Variants in CFAP299 observed in about 807,000 individuals in gnomAD.
The protein encoded by CFAP299 is cilia and flagella associated protein 299, also known as cilia- and flagella-associated protein 299.
In CFAP299, 21 loss-of-function variants were observed where a neutral mutation model predicts 27.0. The observed-to-expected ratio is 0.78, with a 90% CI of 0.55 to 1.12. CFAP299 has a LOEUF of 1.12. Ranked by LOEUF, CFAP299 falls within the 50% of genes most tolerant of loss-of-function variation. CFAP299 has a pLI of 0.00. For synonymous variants in CFAP299, 104 were observed against 98.1 expected (o/e 1.06, Z -0.36); for missense variants, 310 against 276.6 (o/e 1.12, Z -0.86).
intron 2 of CFAP299, among the ~76,000 whole-genome samples, chr4:80,541,080 A>G (rs1203430885): frequency 6.6e-6 from 1 of 152,174 alleles, no homozygotes; most frequent in Admixed American, 6.5e-5. Context: ...GACATTTAGT[A>G]ATATATTTTT....
chr4:80,688,807 A>G (rs984024784), intron 3 of CFAP299, among the ~76,000 whole-genome samples: 4 of 152,022 alleles, frequency 2.6e-5, no homozygotes, highest in Admixed American at 2.0e-4. Context: ...AAAATTTAGA[A>G]GAATGTATAA....
At chr4:80,386,250 CG>C in intron 2 of CFAP299, 2 of 1,148,608 alleles carry the variant, frequency 1.7e-6, no homozygotes, top group Admixed American at 2.0e-5. Flanking sequence ...CCTGCAGCCC[CG>C]CCAGAGCCAG....
intron 2 of CFAP299, among the ~76,000 whole-genome samples, chr4:80,531,691 G>T (rs2110187903): frequency 6.6e-6 from 1 of 150,976 alleles, no homozygotes; most frequent in East Asian, 1.9e-4. Flanking sequence ...AATTTTCCCA[G>T]CCTCCCTTGC....
chr4:80,343,591 C>T (rs1722572683), intron 1 of CFAP299, among the ~76,000 whole-genome samples: 1 of 152,002 alleles, frequency 6.6e-6, no homozygotes, highest in African/African-American at 2.4e-5. Context: ...AGATCGAGAC[C>T]ATCCTGGCTA....
chr4:80,323,629 A>G, the CFAP299 span, among the ~76,000 whole-genome samples: 1 of 152,212 alleles, frequency 6.6e-6, no homozygotes, highest in South Asian at 2.1e-4. Context: ...ATGGAGAAAC[A>G]AATTAGTTAT....
intron 3 of CFAP299, among the ~76,000 whole-genome samples, chr4:80,865,150 C>A (rs1218384724): frequency 6.6e-6 from 1 of 152,128 alleles, no homozygotes; most frequent in Admixed American, 6.6e-5. Context: ...ATAATGCTAT[C>A]TAGCCATAAT....
At chr4:80,878,134 A>G (rs957360396) in intron 4 of CFAP299, among the ~76,000 whole-genome samples, 1 of 152,154 alleles carries the variant, frequency 6.6e-6, no homozygotes, top group Non-Finnish European at 1.5e-5. Context: ...TCATCATTCA[A>G]TGTATAAAAA....
intron 3 of CFAP299, among the ~76,000 whole-genome samples, chr4:80,738,573 T>G (rs966736294): frequency 6.6e-6 from 1 of 152,060 alleles, no homozygotes; most frequent in Non-Finnish European, 1.5e-5. Flanking sequence ...TGGTTTCCTC[T>G]GACATGGAAT....
At chr4:80,872,631 A>G (rs1290427364) in intron 4 of CFAP299, 1 of 152,218 alleles carries the variant, frequency 6.6e-6, no homozygotes, top group African/African-American at 2.4e-5. Flanking sequence ...ATCCTCACCA[A>G]CACAAGATAT....
intron 1 of CFAP299, among the ~76,000 whole-genome samples, chr4:80,336,300 G>A (rs967890251): frequency 6.6e-6 from 1 of 152,228 alleles, no homozygotes; most frequent in African/African-American, 2.4e-5. Context: ...AAGAACAGAA[G>A]ATGGCATCTT....
intron 4 of CFAP299, among the ~76,000 whole-genome samples, chr4:80,927,854 A>T (rs913108979): frequency 6.6e-6 from 1 of 152,178 alleles, no homozygotes; most frequent in Non-Finnish European, 1.5e-5. Context: ...AATCACTAGT[A>T]AACTGACAAA....
At chr4:80,877,154 G>T (rs780050830) in intron 4 of CFAP299, among the ~76,000 whole-genome samples, 5 of 152,030 alleles carry the variant, frequency 3.3e-5, no homozygotes, top group Non-Finnish European at 7.4e-5. Context: ...TTATGTCCCA[G>T]GATACTTTTA....
rs1239940260 is a variant in CFAP299, at chr4:80,629,615, C to G, written c.333+46432C>G. Among the ~76,000 whole-genome samples, 7 of 152,186 alleles carry G rather than the reference C, an allele frequency of 4.6e-5. No homozygotes were observed. In the East Asian group the frequency reaches 1.3e-3, roughly 29 times the overall value. On this transcript the variant is annotated intron_variant, in intron 3 of 5. Transcript: ENST00000358105. The stretch of plus-strand genomic sequence containing the variant: ...AAAAAATTGGCCAAGTGCAGTGGCT[C>G]ACACCTGTAACCCCAACACTTTGGG...
intron 3 of CFAP299, among the ~76,000 whole-genome samples, chr4:80,815,090 C>G (rs564355111): frequency 1.3e-5 from 2 of 151,812 alleles, no homozygotes; most frequent in Non-Finnish European, 2.9e-5. Flanking sequence ...ACTCAACAAA[C>G]AGAGCTGGAA....
chr4:80,583,924 AAGG>A (rs772426105), intron 3 of CFAP299, among the ~76,000 whole-genome samples: 10 of 152,096 alleles, frequency 6.6e-5, no homozygotes, highest in Middle Eastern at 3.4e-3. Context: ...ATATGTATAT[AAGG>A]AGATCTATTC....
chr4:80,664,266 C>T (rs967148563), intron 3 of CFAP299, among the ~76,000 whole-genome samples: 2 of 152,114 alleles, frequency 1.3e-5, no homozygotes, highest in Admixed American at 1.3e-4. Context: ...AGCTCGAGCA[C>T]TATGCTGGGA....
chr4:80,617,397 C>T (rs1738345999), intron 3 of CFAP299, among the ~76,000 whole-genome samples: 1 of 152,118 alleles, frequency 6.6e-6, no homozygotes, highest in East Asian at 1.9e-4. Flanking sequence ...CTGTGAGATG[C>T]CCCTATACCC....
intron 2 of CFAP299, among the ~76,000 whole-genome samples, chr4:80,558,306 T>A (rs1734871963): frequency 6.6e-6 from 1 of 151,864 alleles, no homozygotes; most frequent in Non-Finnish European, 1.5e-5. Context: ...TAATGTACAA[T>A]TTCTGTTCAG....
chr4:80,791,322 TG>T (rs1234607949), intron 3 of CFAP299, among the ~76,000 whole-genome samples: 1 of 152,004 alleles, frequency 6.6e-6, no homozygotes, highest in Non-Finnish European at 1.5e-5. Flanking sequence ...ATTTCTTAGC[TG>T]GGTAAACTTG....
Sources: gnomAD v4.1 joint callset for allele counts (sites outside exome capture counted in the v4.1 genomes callset) on GRCh38, gnomAD v4.1.1 for gene constraint, MANE v1.5 for transcripts, NCBI Gene and HGNC (gene_info 2026-07-23, HGNC 2026-07-21) for gene names.